STX12: variants seen among roughly 807,000 people sequenced by gnomAD.
The protein encoded by STX12 is syntaxin-12.
STX12 carries 17 observed loss-of-function variants against 42.2 expected under a neutral mutation model. The ratio of observed to expected loss-of-function variants is 0.40; its 90% CI spans 0.28 to 0.60. The LOEUF (loss-of-function observed/expected upper bound fraction) is 0.60, where lower values mean the gene tolerates loss of function less well. STX12 is among the 20% of genes least tolerant of loss of function. The pLI, the probability that STX12 is intolerant of heterozygous loss-of-function variation, is 0.39. For synonymous variants in STX12, 108 were observed against 116.7 expected (o/e 0.93, Z 0.48); for missense variants, 297 against 330.9 (o/e 0.90, Z 0.79).
chr1:27,818,463 C>T (rs1243955870), intron 7 of STX12, among the ~76,000 whole-genome samples: 1 of 151,268 alleles, frequency 6.6e-6, no homozygotes, highest in East Asian at 1.9e-4. Context: ...TAAAAATTAC[C>T]AAATTTATTT....
rs1213287612 is a variant in STX12, at chr1:27,801,793, C to T, written c.404C>T (p.Ala135Val). The T allele has an allele frequency of 1.3e-6, 2 of 1,583,764 alleles. No individual in the cohort carries two copies. Among genetic ancestry groups the T allele is most frequent in the South Asian group, 2.3e-5 (2 of 85,284 alleles). The change falls in exon 4 of 9, where the codon GCA (alanine) becomes GTA (valine). Residue 135 changes from alanine to valine, a missense_variant. Ala to Val is a moderately conservative substitution (Grantham distance 64). Transcript: ENST00000373943. ...AAGGAAAAGGAGAGTATTGCCAGAG[C>T]AAGAGCTGGATCTCGTCTTTCTGTA... Reference protein sequence around the residue: ...SEKEKESIARARAGSRLSAEE... With the variant: ...SEKEKESIARVRAGSRLSAEE...
chr1:27,804,659 A>G (rs1474850620), intron 4 of STX12, among the ~76,000 whole-genome samples: 1 of 151,564 alleles, frequency 6.6e-6, no homozygotes, highest in South Asian at 2.1e-4. Context: ...AAAATATAAA[A>G]AATTAGCCGG....
At chr1:27,818,063 G>C (rs989621864) in intron 7 of STX12, 140 bp downstream of exon 7, 1 of 658,260 alleles carries the variant, frequency 1.5e-6, no homozygotes, top group African/African-American at 1.8e-5. Flanking sequence ...ATGAGAATTT[G>C]TCTCTTAAAA....
intron 6 of STX12, among the ~76,000 whole-genome samples, chr1:27,817,649 G>T (rs1303654438): frequency 6.6e-6 from 1 of 152,178 alleles, no homozygotes; most frequent in Non-Finnish European, 1.5e-5. Context: ...TCCCATTAAT[G>T]TTGCTTGAAG....
intron 1 of STX12, among the ~76,000 whole-genome samples, chr1:27,784,090 G>A (rs530902544): frequency 3.7e-4 from 57 of 152,048 alleles, no homozygotes; most frequent in Middle Eastern, 6.8e-3. Context: ...TGAGGCAGGA[G>A]AATCGCTTGA....
At chr1:27,804,999 C>T (rs930015320) in intron 4 of STX12, among the ~76,000 whole-genome samples, 3 of 151,990 alleles carry the variant, frequency 2.0e-5, no homozygotes, top group Non-Finnish European at 2.9e-5. Context: ...AGAATGAGTG[C>T]GGAGAGAAGG....
intron 1 of STX12, among the ~76,000 whole-genome samples, chr1:27,780,908 G>A (rs926015393): frequency 5.9e-5 from 9 of 151,604 alleles, no homozygotes; most frequent in Non-Finnish European, 8.8e-5. Context: ...GCAGTGAGCC[G>A]AGATCACGTC....
chr1:27,796,800 G>A (rs1291421303), intron 3 of STX12, among the ~76,000 whole-genome samples: 1 of 151,576 alleles, frequency 6.6e-6, no homozygotes. Context: ...CCACCTCCCA[G>A]GTTCAAGCAA....
At chr1:27,793,249 T>C (rs1370866418) in intron 2 of STX12, among the ~76,000 whole-genome samples, 2 of 152,250 alleles carry the variant, frequency 1.3e-5, no homozygotes, top group Admixed American at 6.5e-5. Flanking sequence ...TTATCAGAAC[T>C]GCTGATATGC....
intron 1 of STX12, among the ~76,000 whole-genome samples, chr1:27,781,766 T>G (rs2088669499): frequency 6.6e-6 from 1 of 152,196 alleles, no homozygotes; most frequent in South Asian, 2.1e-4. Flanking sequence ...AGACCATGCA[T>G]TATACATTTG....
In STX12 at chr1:27,804,779, C is replaced by T. The variant is rs1281837815; in HGVS notation, c.426+2964C>T. 3.3e-5 allele frequency among the ~76,000 whole-genome samples: 5 copies of T among 151,586 alleles called. No homozygotes were observed. In the East Asian group the frequency reaches 5.8e-4, roughly 18 times the overall value. ...TGAGCTGAGACCGCACCGCTGCACT[C>T]CAGCCTGGGCAACAGAGTGAGACTC... is the stretch of plus-strand genomic sequence containing the variant. On this transcript the variant is annotated intron_variant, in intron 4 of 8. Transcript: ENST00000373943.
intron 2 of STX12, among the ~76,000 whole-genome samples, chr1:27,790,348 A>T (rs1331819186): frequency 6.6e-6 from 1 of 152,146 alleles, no homozygotes; most frequent in Non-Finnish European, 1.5e-5. Context: ...GTGGAAGAGG[A>T]TCTGAGCAGG....
At chr1:27,798,508 G>A (rs1315941866) in intron 3 of STX12, among the ~76,000 whole-genome samples, 2 of 151,756 alleles carry the variant, frequency 1.3e-5, no homozygotes, top group Non-Finnish European at 2.9e-5. Flanking sequence ...AGCCAGGCGT[G>A]ATGGTGGCCA....
chr1:27,801,638 G>A (rs1457411282), intron 3 of STX12, 40 bp from the exon 4 acceptor site: 2 of 1,472,038 alleles, frequency 1.4e-6, no homozygotes, highest in Non-Finnish European at 1.8e-6. Flanking sequence ...AATGATTCTG[G>A]GTTAATATGA....
intron 8 of STX12, 117 bp from the exon 9 acceptor site, chr1:27,822,114 A>G: frequency 1.5e-6 from 1 of 675,986 alleles, no homozygotes; most frequent in Non-Finnish European, 2.7e-6. Flanking sequence ...ATAATTTTGC[A>G]TGGATAGAGT....
intron 4 of STX12, among the ~76,000 whole-genome samples, chr1:27,806,830 T>C (rs1374547662): frequency 1.3e-5 from 2 of 152,116 alleles, no homozygotes; most frequent in African/African-American, 4.8e-5. Context: ...AGGCAAGGCA[T>C]GTCTTACATG....
In STX12 at chr1:27,801,812, T is replaced by G; in HGVS notation, c.423T>G (p.Leu141=). 1 of 1,574,440 alleles carries G rather than the reference T, an allele frequency of 6.4e-7. No individual in the cohort carries two copies. Among genetic ancestry groups the G allele is most frequent in the Non-Finnish European group, 8.6e-7 (1 of 1,167,678 alleles). The change falls in exon 4 of 9, where the codon CTT becomes CTG. Residue 141 remains leucine, a synonymous_variant. Transcript: ENST00000373943. ...CCAGAGCAAGAGCTGGATCTCGTCT[T>G]TCTGTAAGTTGATTCCCAAAAGAAG... ...SIARARAGSR[L]SAEERQREEQ...
intron 6 of STX12, 48 bp from the exon 7 acceptor site, chr1:27,817,803 T>C: frequency 6.4e-7 from 1 of 1,556,236 alleles, no homozygotes; most frequent in Non-Finnish European, 8.8e-7. Context: ...GAAACAAATC[T>C]TCTAACATGT....
Position 27,773,341 on chromosome 1 carries a change from C to CCGGGGCCCT in STX12, c.43_51dup (p.Ser15_Pro17dup). 2 of 1,612,274 alleles carry CCGGGGCCCT rather than the reference C, an allele frequency of 1.2e-6. No homozygotes were observed. The highest frequency in any genetic ancestry group is 2.2e-5 in the South Asian group (2 of 90,934). Reference sequence around the variant, plus strand: ...CGGTCCCTTAGACATGTACCGGAACCCGGGGCCCTCGGGGCCCCAGCTCCG... The same window carrying CCGGGGCCCT: ...CGGTCCCTTAGACATGTACCGGAACCCGGGGCCCTCGGGGCCCTCGGGGCCCCAGCTCCG... On this transcript the variant is annotated inframe_insertion, in exon 1 of 9. Transcript: ENST00000373943.
Sources: gnomAD v4.1 joint callset for allele counts (sites outside exome capture counted in the v4.1 genomes callset) on GRCh38, gnomAD v4.1.1 for gene constraint, MANE v1.5 for transcripts, NCBI Gene and HGNC (gene_info 2026-07-23, HGNC 2026-07-21) for gene names.